The following MAF variants were observed in gnomAD, a reference collection of about 807,000 sequenced individuals.
MAF encodes the protein transcription factor Maf.
Under a neutral mutation model 22.0 loss-of-function variants are expected in MAF, and 10 were observed. That is an observed-to-expected ratio of 0.45 (90% CI 0.28 to 0.77). MAF has a LOEUF of 0.77. MAF is among the 30% of genes least tolerant of loss of function. MAF has a pLI of 0.12. For missense variants in MAF, 544 were observed against 548.4 expected (o/e 0.99, Z 0.08); for synonymous variants, 337 against 255.8 (o/e 1.32, Z -3.03).
the MAF span, among the ~76,000 whole-genome samples, chr16:79,318,636 C>A: frequency 6.6e-6 from 1 of 152,294 alleles, no homozygotes; most frequent in Admixed American, 6.5e-5. Flanking sequence ...GTAAATTAAA[C>A]ATTATATTTT....
chr16:79,389,130 G>A, the MAF span, among the ~76,000 whole-genome samples: 3,156 of 152,324 alleles, frequency 0.021, 44 homozygotes, highest in Non-Finnish European at 0.031. Flanking sequence ...AACAGACTCA[G>A]TCAACCTCTT....
chr16:79,462,659 G>A, the MAF span, among the ~76,000 whole-genome samples: 40 of 152,226 alleles, frequency 2.6e-4, no homozygotes, highest in Admixed American at 2.1e-3. Context: ...ACATATAGAT[G>A]TGCACCTACA....
chr16:79,342,828 A>G, the MAF span, among the ~76,000 whole-genome samples: 1 of 152,210 alleles, frequency 6.6e-6, no homozygotes, highest in African/African-American at 2.4e-5. Flanking sequence ...CACAGATCAC[A>G]TGGTCCATGC....
the MAF span, among the ~76,000 whole-genome samples, chr16:79,504,580 T>C: frequency 3.9e-5 from 6 of 151,952 alleles, no homozygotes; most frequent in Non-Finnish European, 7.4e-5. Flanking sequence ...GATGGACGGA[T>C]GGATGGATGG....
the MAF span, among the ~76,000 whole-genome samples, chr16:79,330,142 C>T: frequency 2.0e-5 from 3 of 152,136 alleles, no homozygotes; most frequent in Non-Finnish European, 4.4e-5. Flanking sequence ...TCTCATCCTC[C>T]TGCCATATCC....
At chr16:79,473,107 G>A in the MAF span, among the ~76,000 whole-genome samples, 1 of 152,118 alleles carries the variant, frequency 6.6e-6, no homozygotes, top group African/African-American at 2.4e-5. Flanking sequence ...TGCCTTTTTT[G>A]ATGGTGTCGA....
At chr16:79,330,679 T>A in the MAF span, among the ~76,000 whole-genome samples, 1 of 152,212 alleles carries the variant, frequency 6.6e-6, no homozygotes, top group African/African-American at 2.4e-5. Context: ...CAGCTCCCCT[T>A]CACTGAACAG....
chr16:79,529,511 CTAA>C, the MAF span, among the ~76,000 whole-genome samples: 1 of 152,088 alleles, frequency 6.6e-6, no homozygotes, highest in African/African-American at 2.4e-5. Context: ...AATAGGGGCA[CTAA>C]TAATAACAAC....
chr16:79,476,594 G>C, the MAF span, among the ~76,000 whole-genome samples: 1 of 152,162 alleles, frequency 6.6e-6, no homozygotes, highest in Admixed American at 6.6e-5. Flanking sequence ...CTGACCCTCA[G>C]ATTTTTCATC....
At chr16:79,219,540 C>G in the MAF span, among the ~76,000 whole-genome samples, 4 of 111,928 alleles carry the variant, frequency 3.6e-5, no homozygotes, top group African/African-American at 1.4e-4. Context: ...GACAGCGAGA[C>G]TCTGCCTCAA....
chr16:79,493,525 G>T, the MAF span, among the ~76,000 whole-genome samples: 7 of 152,216 alleles, frequency 4.6e-5, no homozygotes, highest in Admixed American at 2.0e-4. Flanking sequence ...TGTTGGCCAG[G>T]CTGCTGTTGA....
chr16:79,554,742 C>G, the MAF span, among the ~76,000 whole-genome samples: 1 of 152,134 alleles, frequency 6.6e-6, no homozygotes. Flanking sequence ...GGGAAGCTCC[C>G]ACAAATAAGA....
the MAF span, among the ~76,000 whole-genome samples, chr16:79,470,189 G>A: frequency 6.6e-6 from 1 of 152,212 alleles, no homozygotes; most frequent in Admixed American, 6.5e-5. Flanking sequence ...ATGAGCGGCG[G>A]AGATAGGAAC....
the MAF span, among the ~76,000 whole-genome samples, chr16:79,434,807 T>C: frequency 6.6e-6 from 1 of 152,088 alleles, no homozygotes; most frequent in Non-Finnish European, 1.5e-5. Flanking sequence ...GAGTAGAATA[T>C]CCACAAAGGT....
chr16:79,533,661 T>C, the MAF span, among the ~76,000 whole-genome samples: 125 of 152,026 alleles, frequency 8.2e-4, 3 homozygotes, highest in Admixed American at 3.3e-4. Flanking sequence ...AAGGAGAAAG[T>C]CTGCTAGGGG....
chr16:79,202,902 G>C, the MAF span: 15 of 152,284 alleles, frequency 9.9e-5, no homozygotes, highest in Non-Finnish European at 1.9e-4. Context: ...TGCATATTTA[G>C]ATAATATTTG....
rs564994265 is a variant in MAF, at chr16:79,594,402, G to A, written c.*58C>T. 1 of 1,468,812 alleles carries A rather than the reference G, an allele frequency of 6.8e-7. No individual in the cohort carries two copies. The highest frequency in any genetic ancestry group is 9.3e-7 in the Non-Finnish European group (1 of 1,072,126). 91.0% of individuals were successfully genotyped at this position (1,468,812 alleles called of 1,614,324 possible). ...AAGTCAGGGGTAGGTGGTTCTCCATGACTGCAAATAATAATAATAATGATG... is the reference window on the plus strand; with the variant it reads ...AAGTCAGGGGTAGGTGGTTCTCCATAACTGCAAATAATAATAATAATGATG... On this transcript the variant is annotated 3_prime_UTR_variant, in exon 2 of 2. Transcript: ENST00000326043.
the MAF span, among the ~76,000 whole-genome samples, chr16:79,458,585 G>A: frequency 2.0e-5 from 3 of 152,172 alleles, no homozygotes; most frequent in African/African-American, 7.2e-5. Context: ...AGGTGGAAGA[G>A]GTGAAAGTCT....
At chr16:79,423,060 C>T in the MAF span, among the ~76,000 whole-genome samples, 1 of 151,920 alleles carries the variant, frequency 6.6e-6, no homozygotes, top group Non-Finnish European at 1.5e-5. Context: ...CAGGTAAAGC[C>T]CAAGAGGGAG....
Sources: allele counts gnomAD v4.1 joint callset (sites outside exome capture counted in the v4.1 genomes callset), GRCh38; gene constraint gnomAD v4.1.1; transcripts MANE v1.5; gene names NCBI Gene and HGNC (gene_info 2026-07-23, HGNC 2026-07-21).